Variants in SMIM14 observed in about 807,000 individuals in gnomAD.
The protein encoded by SMIM14 is chromosome 4 open reading frame 34.
In SMIM14, 5 loss-of-function variants were observed where a neutral mutation model predicts 12.6. The ratio of observed to expected loss-of-function variants is 0.40; its 90% CI spans 0.21 to 0.83. SMIM14 has a LOEUF of 0.83. SMIM14 is among the 40% of genes least tolerant of loss of function. SMIM14 has a pLI of 0.37. For missense variants in SMIM14, 86 were observed against 119.1 expected, an observed-to-expected ratio of 0.72 and a Z score of 1.29; for synonymous variants, 30 against 40.1, an observed-to-expected ratio of 0.75 and a Z score of 0.95.
chr4:39,596,394 C>T (rs1714365255), intron 2 of SMIM14, among the ~76,000 whole-genome samples: 1 of 152,132 alleles, frequency 6.6e-6, no homozygotes, highest in Non-Finnish European at 1.5e-5. Context: ...CGGGCCCGGC[C>T]GCATATATAG....
chr4:39,584,805 A>AG, intron 2 of SMIM14, among the ~76,000 whole-genome samples: 1 of 149,950 alleles, frequency 6.7e-6, no homozygotes, highest in East Asian at 1.9e-4. Flanking sequence ...AAAAAAAAAA[A>AG]AAAAAAGAAA....
chr4:39,592,146 T>G (rs766921227), intron 2 of SMIM14, among the ~76,000 whole-genome samples: 2 of 152,004 alleles, frequency 1.3e-5, no homozygotes, highest in Non-Finnish European at 2.9e-5. Context: ...CAGTGATCTA[T>G]TACACCACTC....
chr4:39,611,960 G>C (rs1560303860), intron 1 of SMIM14: 1 of 152,092 alleles, frequency 6.6e-6, no homozygotes, highest in Non-Finnish European at 1.5e-5. Flanking sequence ...TTCTAGATCT[G>C]CTTGCCTGAG....
At chr4:39,594,482 C>A (rs1714266970) in intron 2 of SMIM14, 1 of 150,348 alleles carries the variant, frequency 6.7e-6, no homozygotes, top group African/African-American at 2.5e-5. Context: ...CCATTCAGGA[C>A]ATAGGCATGG....
At chr4:39,620,987 A>G (rs763099309) in intron 1 of SMIM14, 2 of 152,200 alleles carry the variant, frequency 1.3e-5, no homozygotes. Flanking sequence ...TGCAATTTCA[A>G]TAAATTCAGT....
intron 4 of SMIM14, among the ~76,000 whole-genome samples, chr4:39,552,382 CTG>C (rs1042985622): frequency 6.6e-6 from 1 of 152,086 alleles, no homozygotes; most frequent in African/African-American, 2.4e-5. Context: ...TTAAATAACA[CTG>C]TGATTTTCCA....
In SMIM14 at chr4:39,570,256, G is replaced by C. The variant is rs150943299; in HGVS notation, c.124+2159C>G. The stretch of plus-strand genomic sequence containing the variant: ...GCTTACTGCAACCTCTGCCTCCTGG[G>C]TTCAAGTGATTCTGGTGCCTCAGCC... On this transcript the variant is annotated intron_variant, in intron 3 of 4. Transcript: ENST00000295958. 3.2e-4 allele frequency among the ~76,000 whole-genome samples: 49 copies of C among 152,176 alleles called. 2 individuals are homozygous for C. The South Asian group carries it at 0.01, about 32-fold the overall frequency.
At position 39,599,021 on chromosome 4, in the gene SMIM14, C is replaced by T. The variant is rs1403108258; in HGVS notation, c.75+6050G>A. On this transcript the variant is annotated intron_variant, in intron 2 of 4. Transcript: ENST00000295958. ...TCTTTCTTGGCTTATGCCTTCATTTCGGTGAAAAATAGCTCATCCTCTAGG... is the reference window on the plus strand; with the variant it reads ...TCTTTCTTGGCTTATGCCTTCATTTTGGTGAAAAATAGCTCATCCTCTAGG... Among the ~76,000 whole-genome samples, 7 of 152,278 alleles carry T rather than the reference C, an allele frequency of 4.6e-5. No individual in the cohort carries two copies. In the South Asian group the frequency reaches 1.0e-3, roughly 23 times the overall value.
At chr4:39,603,909 G>A (rs1714709020) in intron 2 of SMIM14, among the ~76,000 whole-genome samples, 2 of 151,614 alleles carry the variant, frequency 1.3e-5, no homozygotes, top group Non-Finnish European at 1.5e-5. Flanking sequence ...TACTTGCAAA[G>A]TTGAGGCAGG....
At chr4:39,619,790 T>TTA (rs1218602847) in intron 1 of SMIM14, among the ~76,000 whole-genome samples, 62 of 139,016 alleles carry the variant, frequency 4.5e-4, no homozygotes, top group African/African-American at 1.6e-3. Flanking sequence ...TTATATATAT[T>TTA]TATATATATC....
At chr4:39,556,180 T>C (rs751737462) in intron 4 of SMIM14, among the ~76,000 whole-genome samples, 2 of 150,654 alleles carry the variant, frequency 1.3e-5, no homozygotes, top group Admixed American at 6.6e-5. Flanking sequence ...AAAAAAAGGA[T>C]TGGAATTCAT....
At chr4:39,615,109 T>A (rs1715172744) in intron 1 of SMIM14, among the ~76,000 whole-genome samples, 1 of 152,052 alleles carries the variant, frequency 6.6e-6, no homozygotes, top group Admixed American at 6.6e-5. Context: ...TTTTTTTTAA[T>A]TTATTTATAG....
chr4:39,614,103 T>C (rs1715129198), intron 1 of SMIM14, among the ~76,000 whole-genome samples: 1 of 149,672 alleles, frequency 6.7e-6, no homozygotes, highest in Non-Finnish European at 1.5e-5. Context: ...TGAAGCAGAA[T>C]TGCTTGAACC....
intron 1 of SMIM14, among the ~76,000 whole-genome samples, chr4:39,618,394 G>GC (rs914198053): frequency 6.6e-6 from 1 of 151,982 alleles, no homozygotes; most frequent in African/African-American, 2.4e-5. Context: ...GCACTTGAAA[G>GC]CCCCAGAGTA....
intron 1 of SMIM14, among the ~76,000 whole-genome samples, chr4:39,623,696 C>A (rs1238377564): frequency 6.6e-6 from 1 of 152,062 alleles, no homozygotes; most frequent in Non-Finnish European, 1.5e-5. Context: ...TCCATCTCTA[C>A]TAAAAATACA....
chr4:39,631,830 A>C (rs1715910353), intron 1 of SMIM14, among the ~76,000 whole-genome samples: 1 of 152,152 alleles, frequency 6.6e-6, no homozygotes, highest in South Asian at 2.1e-4. Context: ...ATACTTGTCA[A>C]TGAGTGCAGT....
intron 3 of SMIM14, among the ~76,000 whole-genome samples, chr4:39,565,553 A>T (rs190003351): frequency 2.4e-4 from 36 of 152,272 alleles, no homozygotes; most frequent in African/African-American, 8.2e-4. Flanking sequence ...TGAACTCCTG[A>T]GCCCAAGTGA....
intron 2 of SMIM14, among the ~76,000 whole-genome samples, chr4:39,573,849 G>C (rs528822036): frequency 2.8e-4 from 42 of 152,128 alleles, no homozygotes; most frequent in Non-Finnish European, 5.6e-4. Context: ...GACAGAAATA[G>C]GAGCTGAAGT....
chr4:39,590,331 T>C (rs1714001782), intron 2 of SMIM14, among the ~76,000 whole-genome samples: 1 of 150,320 alleles, frequency 6.7e-6, no homozygotes, highest in Admixed American at 6.7e-5. Flanking sequence ...GAGAATTGCT[T>C]GTGGAATTGA....
Sources: gnomAD v4.1 joint callset for allele counts (sites outside exome capture counted in the v4.1 genomes callset) on GRCh38, gnomAD v4.1.1 for gene constraint, MANE v1.5 for transcripts, NCBI Gene and HGNC (gene_info 2026-07-23, HGNC 2026-07-21) for gene names.